The following CABIN1 variants were observed in gnomAD, a reference collection of about 807,000 sequenced individuals.
CABIN1 encodes the protein calcineurin binding protein 1.
A neutral mutation model predicts 227.7 loss-of-function variants in CABIN1; 133 were observed. That is an observed-to-expected ratio of 0.58 (90% CI 0.51 to 0.67). The LOEUF (loss-of-function observed/expected upper bound fraction) is 0.67, where lower values mean the gene tolerates loss of function less well. Among genes scored for constraint, CABIN1 ranks in the 30% least tolerant of loss-of-function variants. CABIN1 has a pLI of 0.00. For missense variants in CABIN1, 2,408 were observed against 2,852.5 expected (o/e 0.84, Z 3.55); for synonymous variants, 1,086 against 1,155.1 (o/e 0.94, Z 1.21).
At chr22:24,088,480 T>C (rs919535252) in intron 23 of CABIN1, among the ~76,000 whole-genome samples, 9 of 152,074 alleles carry the variant, frequency 5.9e-5, no homozygotes, top group Non-Finnish European at 1.2e-4. Flanking sequence ...TGGTGGTGCA[T>C]GCCTGTTATC....
chr22:24,083,458 A>G, intron 20 of CABIN1, 69 bp downstream of exon 20: 1 of 1,557,926 alleles, frequency 6.4e-7, no homozygotes, highest in South Asian at 1.1e-5. Context: ...AGGATGTCAT[A>G]TTTGTCAACA....
chr22:24,081,307 T>C (rs942159147), intron 19 of CABIN1, among the ~76,000 whole-genome samples: 2 of 152,172 alleles, frequency 1.3e-5, no homozygotes, highest in African/African-American at 4.8e-5. Context: ...TTGGGGAGTG[T>C]TATAATAAAT....
chr22:24,174,395 C>G (rs1028788293), intron 34 of CABIN1, among the ~76,000 whole-genome samples: 2 of 152,208 alleles, frequency 1.3e-5, no homozygotes, highest in African/African-American at 4.8e-5. Context: ...TCCCAAAGTG[C>G]TGGGATTACA....
At chr22:24,140,018 A>G (rs1244416039) in intron 29 of CABIN1, among the ~76,000 whole-genome samples, 1 of 152,226 alleles carries the variant, frequency 6.6e-6, no homozygotes, top group Non-Finnish European at 1.5e-5. Context: ...TGTAGGAGGG[A>G]CAGGGAGCTG....
intron 29 of CABIN1, among the ~76,000 whole-genome samples, chr22:24,139,332 T>C (rs760505496): frequency 2.0e-5 from 3 of 152,214 alleles, no homozygotes; most frequent in Non-Finnish European, 4.4e-5. Context: ...CCCAGCACTT[T>C]GGTAGGCAGA....
In CABIN1 at chr22:24,165,566, G is replaced by A. The variant is rs148220023; in HGVS notation, c.4947G>A (p.Ala1649=). 2.4e-3 allele frequency: 3,834 copies of A among 1,613,186 alleles called. 13 individuals carry two copies. The highest frequency in any genetic ancestry group is 3.6e-3 in the Middle Eastern group (22 of 6,056). ...GAGATGCTGACCGCCAGGTCCTGGC[G>A]CAGCGGGCCTTCATCCTCACTGTGA... The part of the protein sequence containing the change: ...YLRDADRQVL[A]QRAFILTVKV... Residue 1649 remains alanine (A), a synonymous_variant, in exon 31 of 37, where the codon GCG becomes GCA. Coordinates refer to ENST00000263119, the MANE Select transcript of CABIN1 (RefSeq NM_012295.4).
In CABIN1 at chr22:24,037,238, C is replaced by T. The variant is rs62234077; in HGVS notation, c.96+1057C>T. On this transcript the variant is annotated intron_variant, in intron 3 of 36. Transcript: ENST00000263119. ...TCATGCCACTGCACTCCAGCCTGGG[C>T]GACAGAGTGAGACCCCGTCTCAAAA... Among the ~76,000 whole-genome samples, 200 of 135,568 alleles carry T rather than the reference C, an allele frequency of 1.5e-3. 2 individuals are homozygous for T. Among genetic ancestry groups the T allele is most frequent in the Non-Finnish European group, 1.5e-3 (98 of 65,132 alleles). The allele number at this position is 135,568 out of a possible 152,430, so 88.9% of individuals were successfully genotyped here. A position where few individuals can be genotyped will look rare whatever the true frequency, so the allele number is the denominator to read the frequency against.
chr22:24,043,456 A>AAT (rs1220522917), intron 6 of CABIN1, among the ~76,000 whole-genome samples: 2 of 151,902 alleles, frequency 1.3e-5, no homozygotes, highest in Non-Finnish European at 2.9e-5. Flanking sequence ...TGGGTGGCTA[A>AAT]AACAGCAGAA....
At chr22:24,055,677 CACT>C (rs1167108824) in intron 9 of CABIN1, among the ~76,000 whole-genome samples, 1 of 152,126 alleles carries the variant, frequency 6.6e-6, no homozygotes, top group Non-Finnish European at 1.5e-5. Flanking sequence ...ATTTCTGTGT[CACT>C]GAAAAAAAGA....
chr22:24,025,009 A>G (rs370303650), intron 1 of CABIN1, among the ~76,000 whole-genome samples: 1 of 152,150 alleles, frequency 6.6e-6, no homozygotes, highest in Non-Finnish European at 1.5e-5. Flanking sequence ...CTGGTCAGGA[A>G]TATTTTCTAT....
At chr22:24,035,920 T>G (rs1264839269) in intron 2 of CABIN1, among the ~76,000 whole-genome samples, 169 bp from the exon 3 acceptor site, 1 of 127,568 alleles carries the variant, frequency 7.8e-6, no homozygotes, top group Non-Finnish European at 1.6e-5. Flanking sequence ...CTTTTTTTTT[T>G]TCTTTAGAGG....
chr22:24,021,868 A>G (rs2035748856), intron 1 of CABIN1, among the ~76,000 whole-genome samples: 1 of 152,016 alleles, frequency 6.6e-6, no homozygotes, highest in African/African-American at 2.4e-5. Flanking sequence ...TATTTTTAGT[A>G]GAGATGGGGT....
chr22:24,158,481 A>C (rs1340305072), intron 29 of CABIN1, among the ~76,000 whole-genome samples: 1 of 152,098 alleles, frequency 6.6e-6, no homozygotes, highest in Non-Finnish European at 1.5e-5. Flanking sequence ...GGTCATTTTG[A>C]ATGATGTTTT....
intron 22 of CABIN1, among the ~76,000 whole-genome samples, chr22:24,085,352 G>T (rs979752885): frequency 2.0e-5 from 3 of 152,236 alleles, no homozygotes; most frequent in Non-Finnish European, 2.9e-5. Flanking sequence ...AGAGGAGAAG[G>T]CCTCTTTTCC....
At position 24,084,653 on chromosome 22, in the gene CABIN1, C is replaced by T. The variant is rs2041029064; in HGVS notation, c.2985C>T (p.Ser995=). Residue 995 remains serine (S), a synonymous_variant, in exon 21 of 37, where the codon AGC becomes AGT. Transcript: ENST00000263119. ...FKPKTLPEFD[S]YKTSTVSADL... ...CCAAGACCCTTCCTGAATTTGACAGCTATAAGACCAGCACCGTGTCTGCTG... is the reference window on the plus strand; with the variant it reads ...CCAAGACCCTTCCTGAATTTGACAGTTATAAGACCAGCACCGTGTCTGCTG... 1.9e-6 allele frequency: 3 copies of T among 1,614,044 alleles called. No homozygotes were observed. Among genetic ancestry groups the T allele is most frequent in the Non-Finnish European group, 2.5e-6 (3 of 1,180,024 alleles).
chr22:24,174,947 C>T (rs546587204), intron 34 of CABIN1, among the ~76,000 whole-genome samples: 28 of 152,236 alleles, frequency 1.8e-4, no homozygotes, highest in African/African-American at 6.0e-4. Flanking sequence ...CCAGGGGTAG[C>T]GGAGTAGGGG....
chr22:24,089,223 T>C (rs546261166), intron 23 of CABIN1, among the ~76,000 whole-genome samples: 1 of 152,380 alleles, frequency 6.6e-6, no homozygotes, highest in Non-Finnish European at 1.5e-5. Flanking sequence ...GTTCCCTTTC[T>C]GCCATTGGCA....
intron 18 of CABIN1, 69 bp from the exon 19 acceptor site, chr22:24,076,100 C>T: frequency 9.3e-7 from 1 of 1,072,100 alleles, no homozygotes; most frequent in South Asian, 1.3e-5. Flanking sequence ...GGAGACTGAG[C>T]CTCGCAGCCC....
At position 24,128,226 on chromosome 22, in the gene CABIN1, G is replaced by A. The variant is rs372466799; in HGVS notation, c.4633-6076G>A. Among the ~76,000 whole-genome samples the A allele has an allele frequency of 1.4e-4, 20 of 139,692 alleles. No individual in the cohort carries two copies. In the South Asian group the frequency reaches 4.6e-3, roughly 32 times the overall value. 91.6% of individuals were successfully genotyped at this position (139,692 alleles called of 152,430 possible). A position where few individuals can be genotyped will look rare whatever the true frequency, so the allele number is the denominator to read the frequency against. ...CAGAAATGTATGCAAATGTGGTTCT[G>A]CTTTTTTTTGCTTCTCGTGTACTCA... On this transcript the variant is annotated intron_variant, in intron 28 of 36. Coordinates refer to ENST00000263119, the MANE Select transcript of CABIN1 (RefSeq NM_012295.4).
Sources: gnomAD v4.1 joint callset for allele counts (sites outside exome capture counted in the v4.1 genomes callset) on GRCh38, gnomAD v4.1.1 for gene constraint, MANE v1.5 for transcripts, NCBI Gene and HGNC (gene_info 2026-07-23, HGNC 2026-07-21) for gene names.